Variants in OSMR observed in about 807,000 individuals in gnomAD.
OSMR encodes oncostatin-M-specific receptor subunit beta.
OSMR carries 81 observed loss-of-function variants against 99.9 expected under a neutral mutation model. That is an observed-to-expected ratio of 0.81 (90% CI 0.68 to 0.97). The LOEUF is 0.97. Among genes scored for constraint, OSMR ranks in the 50% least tolerant of loss-of-function variants. The pLI, the probability that OSMR is intolerant of heterozygous loss-of-function variation, is 0.00. For missense variants in OSMR, 1,099 were observed against 1,153.4 expected, an observed-to-expected ratio of 0.95 and a Z score of 0.68; for synonymous variants, 406 against 410.4, an observed-to-expected ratio of 0.99 and a Z score of 0.13.
At chr5:38,874,456 T>G (rs1166569143) in intron 2 of OSMR, among the ~76,000 whole-genome samples, 1 of 152,212 alleles carries the variant, frequency 6.6e-6, no homozygotes. Flanking sequence ...GAATGAGTTT[T>G]CTGAGGTGTT....
At chr5:38,857,848 A>G (rs934471927) in intron 1 of OSMR, among the ~76,000 whole-genome samples, 2 of 151,768 alleles carry the variant, frequency 1.3e-5, no homozygotes, top group African/African-American at 4.8e-5. Flanking sequence ...TTGTGTTTTT[A>G]GTAGAGATGG....
chr5:38,858,656 T>A (rs1290734562), intron 1 of OSMR, among the ~76,000 whole-genome samples: 10 of 152,218 alleles, frequency 6.6e-5, no homozygotes. Flanking sequence ...TATATGGTAG[T>A]TCTATTTTTA....
At chr5:38,885,854 C>T (rs190453516) in intron 6 of OSMR, 185 bp from the exon 7 acceptor site, 126 of 983,074 alleles carry the variant, frequency 1.3e-4, no homozygotes, top group South Asian at 1.9e-4. Flanking sequence ...CATTTCAGCA[C>T]GTATGTCAAA....
At chr5:38,864,756 C>G (rs1741807591) in intron 1 of OSMR, among the ~76,000 whole-genome samples, 1 of 152,030 alleles carries the variant, frequency 6.6e-6, no homozygotes, top group Admixed American at 6.6e-5. Context: ...TCTGAGCTTT[C>G]TGTATCTGAT....
intron 7 of OSMR, among the ~76,000 whole-genome samples, chr5:38,886,922 G>A (rs1293343463): frequency 6.6e-6 from 1 of 152,156 alleles, no homozygotes; most frequent in African/African-American, 2.4e-5. Flanking sequence ...GTTTTTCAAA[G>A]GAGTAATACC....
chr5:38,936,907 C>T (rs568008952), downstream of OSMR, among the ~76,000 whole-genome samples: 28 of 152,252 alleles, frequency 1.8e-4, no homozygotes, highest in Admixed American at 1.2e-3. Flanking sequence ...CGAAGTAGTA[C>T]CGTATTTTTG....
rs565331842 is a variant in OSMR, at chr5:38,883,867, T to G, written c.459T>G (p.Pro153=). The change falls in exon 5 of 18, where the codon CCT becomes CCG. Residue 153 remains proline (P), a synonymous_variant. Transcript: ENST00000274276. ...STGQDILFVF[P]KDKLVEEGTN... ...GACAGGATATATTGTTCGTTTTCCC[T>G]AAAGATAAGCTGGTGGAAGAAGGCA... 6.2e-7 allele frequency: 1 copy of G among 1,613,702 alleles called. No individual in the cohort carries two copies. The highest frequency in any genetic ancestry group is 1.3e-5 in the African/African-American group (1 of 75,058).
At position 38,883,999 on chromosome 5, in the gene OSMR, A is replaced by G. The variant is rs368420505; in HGVS notation, c.591A>G (p.Ala197=). 148 of 1,613,118 alleles carry G rather than the reference A, an allele frequency of 9.2e-5. No individual in the cohort carries two copies. Among genetic ancestry groups the G allele is most frequent in the Non-Finnish European group, 1.2e-4 (140 of 1,179,164 alleles). The change falls in exon 5 of 18, where the codon GCA becomes GCG. Residue 197 remains alanine, a synonymous_variant. Transcript: ENST00000274276. ...HGEQLDPHVT[A]FNLNSVPFIR... Reference sequence around the variant, plus strand: ...AACAACTTGATCCACATGTAACTGCATTCAACTTGAATAGTGTGCCTTTCA... The same window carrying G: ...AACAACTTGATCCACATGTAACTGCGTTCAACTTGAATAGTGTGCCTTTCA...
chr5:38,849,471 TG>T (rs59340233), intron 1 of OSMR, among the ~76,000 whole-genome samples: 76 of 88,530 alleles, frequency 8.6e-4, no homozygotes, highest in South Asian at 3.2e-3. Flanking sequence ...TTTTTTTGTT[TG>T]TTTTTCCCTA....
intron 9 of OSMR, among the ~76,000 whole-genome samples, chr5:38,916,597 T>A (rs1745909323): frequency 1.3e-5 from 2 of 152,138 alleles, no homozygotes; most frequent in African/African-American, 2.4e-5. Context: ...GTAAAAGAGA[T>A]CCCCCAAATG....
Position 38,904,491 on chromosome 5 carries a change from A to G in OSMR, c.1273A>G (p.Thr425Ala), listed in dbSNP as rs1252262782. Reference protein sequence around the residue: ...WSEWSGQNFTTLEAAPSEAPD... With the variant: ...WSEWSGQNFTALEAAPSEAPD... ...TGAATGGAGTGGTCAGAACTTCACC[A>G]CACTTGAAGCTGGTATGTTCAGCCC... Residue 425 changes from threonine (T) to alanine (A), a missense_variant, in exon 9 of 18, where the codon ACA becomes GCA. Thr to Ala is a moderately conservative substitution (Grantham distance 58, BLOSUM62 0). Transcript: ENST00000274276. 2 of 1,614,188 alleles carry G rather than the reference A, an allele frequency of 1.2e-6. No individual in the cohort carries two copies. Among genetic ancestry groups the G allele is most frequent in the Non-Finnish European group, 1.7e-6 (2 of 1,180,034 alleles).
intron 15 of OSMR, among the ~76,000 whole-genome samples, chr5:38,926,578 A>G (rs1746484912): frequency 6.6e-6 from 1 of 152,192 alleles, no homozygotes; most frequent in Admixed American, 6.5e-5. Context: ...GAACTCACCT[A>G]CTATCATGAG....
At chr5:38,920,858 A>G (rs555599164) in intron 11 of OSMR, among the ~76,000 whole-genome samples, 22 of 152,208 alleles carry the variant, frequency 1.4e-4, no homozygotes, top group Non-Finnish European at 2.5e-4. Context: ...CCTTTTTCCA[A>G]TTGTCAGACA....
intron 2 of OSMR, among the ~76,000 whole-genome samples, chr5:38,875,799 A>G (rs1297839830): frequency 3.9e-5 from 6 of 152,234 alleles, no homozygotes; most frequent in Admixed American, 3.9e-4. Flanking sequence ...TTACCAAACT[A>G]TAAAATATTG....
chr5:38,918,869 G>T lies in OSMR; in HGVS notation c.1392G>T (p.Lys464Asn). The T allele has an allele frequency of 6.2e-7, 1 of 1,613,998 alleles. No individual in the cohort carries two copies. Among genetic ancestry groups the T allele is most frequent in the Non-Finnish European group, 8.5e-7 (1 of 1,179,922 alleles). ...TATCAAAACTGCATGCCAATGGAAA[G>T]ATCCTGTTCTATAATGTAGTTGTAG... ...KPLSKLHANG[K>N]ILFYNVVVEN... is the part of the protein sequence containing the mutation. Residue 464 changes from lysine to asparagine, a missense_variant, in exon 11 of 18, where the codon AAG (lysine) becomes AAT (asparagine). By Grantham distance (94) the Lys-to-Asn change is moderately conservative (BLOSUM62 0). Coordinates refer to ENST00000274276, the MANE Select transcript of OSMR (RefSeq NM_003999.3).
chr5:38,917,573 G>A lies in OSMR; in HGVS notation c.1313G>A (p.Arg438Lys), dbSNP rs1214429111. 5 of 1,613,624 alleles carry A rather than the reference G, an allele frequency of 3.1e-6. No homozygotes were observed. Among genetic ancestry groups the A allele is most frequent in the Non-Finnish European group, 4.2e-6 (5 of 1,179,698 alleles). The change falls in exon 10 of 18, where the codon AGA (arginine) becomes AAA (lysine). Residue 438 changes from arginine to lysine, a missense_variant. By Grantham distance (26) the Arg-to-Lys change is conservative. Transcript: ENST00000274276. Reference protein sequence around the residue: ...AAPSEAPDVWRIVSLEPGNHT... With the variant: ...AAPSEAPDVWKIVSLEPGNHT... Reference sequence around the variant, plus strand: ...CCCTCAGAGGCCCCTGATGTCTGGAGAATTGTGAGCTTGGAGCCAGGAAAT... The same window carrying A: ...CCCTCAGAGGCCCCTGATGTCTGGAAAATTGTGAGCTTGGAGCCAGGAAAT...
At chr5:38,862,115 C>T (rs1741434289) in intron 1 of OSMR, among the ~76,000 whole-genome samples, 1 of 130,874 alleles carries the variant, frequency 7.6e-6, no homozygotes, top group Admixed American at 7.1e-5. Flanking sequence ...CCCCACCTCC[C>T]TCCCGGACGG....
chr5:38,854,207 A>G (rs1344755920), intron 1 of OSMR, among the ~76,000 whole-genome samples: 1 of 152,176 alleles, frequency 6.6e-6, no homozygotes. Flanking sequence ...TGCATAAGAC[A>G]TCATCAGGTC....
chr5:38,889,270 T>G (rs1214003866), intron 7 of OSMR, among the ~76,000 whole-genome samples: 1 of 152,116 alleles, frequency 6.6e-6, no homozygotes, highest in Non-Finnish European at 1.5e-5. Flanking sequence ...TCCCTTGGTG[T>G]TCTTTTCCAG....
Sources: allele counts gnomAD v4.1 joint callset (sites outside exome capture counted in the v4.1 genomes callset), GRCh38; gene constraint gnomAD v4.1.1; transcripts MANE v1.5; gene names NCBI Gene and HGNC (gene_info 2026-07-23, HGNC 2026-07-21).